The following MTCP1 variants were observed in gnomAD, a reference collection of about 807,000 sequenced individuals.
The protein encoded by MTCP1 is mature T cell proliferation 1.
Under a neutral mutation model 10.6 loss-of-function variants are expected in MTCP1, and 2 were observed. That is an observed-to-expected ratio of 0.19 (90% confidence interval 0.08 to 0.59). The LOEUF (loss-of-function observed/expected upper bound fraction) is 0.59. Ranked by LOEUF, MTCP1 falls within the 20% of genes least tolerant of loss-of-function variation. The probability of loss-of-function intolerance (pLI) is 0.90; values close to 1 mark genes in which losing one functional copy is unlikely to be tolerated. For synonymous variants in MTCP1, 29 were observed against 34.4 expected, an observed-to-expected ratio of 0.84 and a Z score of 0.55; for missense variants, 33 against 91.5, an observed-to-expected ratio of 0.36 and a Z score of 2.61.
intron 1 of MTCP1, among the ~76,000 whole-genome samples, chrX:155,070,213 C>CA (rs1300753086): frequency 1.8e-5 from 2 of 111,887 alleles, no homozygotes; most frequent in Non-Finnish European, 3.8e-5. Context: ...ATCAACACTT[C>CA]AAGTAGCACC....
chrX:155,069,815 C>A (rs1279409778), intron 1 of MTCP1, among the ~76,000 whole-genome samples: 1 of 112,075 alleles, frequency 8.9e-6, no homozygotes, highest in African/African-American at 3.2e-5. Context: ...TTGACTACCG[C>A]CGATAACAAA....
rs782029945 is a variant in MTCP1, at chrX:155,064,035, T to C, written c.*1369A>G. 8.5e-7 allele frequency: 1 copy of C among 1,178,443 alleles called. No individual in the cohort carries two copies. The highest frequency in any genetic ancestry group is 1.8e-5 in the African/African-American group (1 of 55,784). On this transcript the variant is annotated 3_prime_UTR_variant, in exon 5 of 5. Transcript: ENST00000369476. Reference sequence around the variant, plus strand: ...TCCTTCTGCGGCATATCCAGAAAACTAAAACAAGAAAAATGATTTTTATTT... The same window carrying C: ...TCCTTCTGCGGCATATCCAGAAAACCAAAACAAGAAAAATGATTTTTATTT...
rs1406093005 is a variant in MTCP1, at chrX:155,066,070, C to T, written c.-47-13G>A. 9 of 950,973 alleles carry T rather than the reference C, an allele frequency of 9.5e-6. No homozygotes were observed. The highest frequency in any genetic ancestry group is 4.1e-5 in the South Asian group (2 of 49,151). 78.4% of individuals were successfully genotyped at this position (950,973 alleles called of 1,213,427 possible). ...TCTCCACCTAAGCCTGCAGCACCCG[C>T]GCACAGGACACAGGTGTGACTTTTT... is the stretch of plus-strand genomic sequence containing the variant. On this transcript the variant is annotated splice_polypyrimidine_tract_variant and intron_variant, in intron 1 of 4. Coordinates refer to ENST00000369476, the MANE Select transcript of MTCP1 (RefSeq NM_001018025.4).
intron 1 of MTCP1, among the ~76,000 whole-genome samples, chrX:155,066,625 C>A (rs5945137): frequency 0.13 from 14,345 of 111,597 alleles, 893 homozygotes; most frequent in African/African-American, 0.23. Context: ...TTACAAATAG[C>A]GGATGGGCAT....
intron 1 of MTCP1, among the ~76,000 whole-genome samples, chrX:155,069,218 T>C (rs1402912210): frequency 8.9e-6 from 1 of 112,806 alleles, no homozygotes; most frequent in Admixed American, 9.3e-5. Context: ...AATTGCCAGG[T>C]TGATGAACAG....
chrX:155,067,209 A>G (rs1245631317), intron 1 of MTCP1, among the ~76,000 whole-genome samples: 1 of 110,973 alleles, frequency 9.0e-6, no homozygotes, highest in Non-Finnish European at 1.9e-5. Context: ...CACCCATTAT[A>G]CCCTGAGTGC....
At position 155,065,176 on chromosome X, in the gene MTCP1, CCTGA is replaced by C; in HGVS notation, c.*224_*227del. On this transcript the variant is annotated 3_prime_UTR_variant, in exon 5 of 5. Transcript: ENST00000369476. ...AAGGAGTCAATTTCAAGTTACGGAT[CCTGA>C]CTAAGTGCTTTTGTTGACTTGCTTT... 3.2e-6 allele frequency: 1 copy of C among 315,870 alleles called. No individual in the cohort carries two copies. The highest frequency in any genetic ancestry group is 5.5e-6 in the Non-Finnish European group (1 of 181,383). 26.0% of individuals were successfully genotyped at this position (315,870 alleles called of 1,213,427 possible).
intron 4 of MTCP1, 43 bp from the exon 5 acceptor site, chrX:155,065,442 C>T: frequency 8.7e-7 from 1 of 1,151,427 alleles, no homozygotes; most frequent in Non-Finnish European, 1.2e-6. Context: ...TGAATAGAGC[C>T]AAAACAAAGA....
intron 3 of MTCP1, 34 bp downstream of exon 3, chrX:155,065,585 A>G (rs1261095843): frequency 1.1e-5 from 13 of 1,206,897 alleles, no homozygotes; most frequent in South Asian, 1.8e-5. Flanking sequence ...CGAGAGTCCC[A>G]GTACAATGGA....
chrX:155,069,915 G>A (rs1557292303), intron 1 of MTCP1, among the ~76,000 whole-genome samples: 2 of 112,153 alleles, frequency 1.8e-5, no homozygotes, highest in Non-Finnish European at 3.8e-5. Context: ...AGCCGTTCCT[G>A]CTCCATGAGG....
rs1377775916 is a variant in MTCP1, at chrX:155,071,036, A to G, written c.-390T>C. 2 of 112,717 alleles carry G rather than the reference A, an allele frequency of 1.8e-5. No homozygotes were observed. Among genetic ancestry groups the G allele is most frequent in the African/African-American group, 3.2e-5 (1 of 31,077 alleles). 9.3% of individuals were successfully genotyped at this position (112,717 alleles called of 1,213,427 possible). A position where few individuals can be genotyped will look rare whatever the true frequency, so the allele number is the denominator to read the frequency against. ...TGTCGTCTTAAAGGGCTGTCCCCCA[A>G]GCGTGTAGGCCGCGCACGGGTCTCC... On this transcript the variant is annotated 5_prime_UTR_variant, in exon 1 of 5. Transcript: ENST00000369476.
At chrX:155,067,976 T>C (rs1557292144) in intron 1 of MTCP1, among the ~76,000 whole-genome samples, 2 of 112,447 alleles carry the variant, frequency 1.8e-5, no homozygotes, top group African/African-American at 6.5e-5. Context: ...GTTTTGCCTC[T>C]CTTCCTTCCC....
At position 155,065,674 on chromosome X, in the gene MTCP1, T is replaced by C; in HGVS notation, c.221A>G (p.Glu74Gly). Residue 74 changes from glutamate (E) to glycine (G), a missense_variant, in exon 3 of 5, where the codon GAG becomes GGG. Transcript: ENST00000369476. ...QLPLMWQLYPEERYMDNNSRL... is the reference protein window; with the variant it reads ...QLPLMWQLYPGERYMDNNSRL... ...AGAGTTGTTATCCATGTAGCGCTCC[T>C]CCGGGTAGAGTTGCCACATGAGAGG... 8.3e-7 allele frequency: 1 copy of C among 1,211,792 alleles called. No homozygotes were observed. The highest frequency in any genetic ancestry group is 1.1e-6 in the Non-Finnish European group (1 of 895,425).
At chrX:155,068,876 A>G (rs2073958726) in intron 1 of MTCP1, among the ~76,000 whole-genome samples, 1 of 112,602 alleles carries the variant, frequency 8.9e-6, no homozygotes. Flanking sequence ...ACAAGGTGCA[A>G]TACAATACAT....
At chrX:155,068,500 C>G (rs1237517782) in intron 1 of MTCP1, among the ~76,000 whole-genome samples, 1 of 112,069 alleles carries the variant, frequency 8.9e-6, no homozygotes, top group Non-Finnish European at 1.9e-5. Flanking sequence ...CTGCAGTGAT[C>G]AAGGGACAGA....
In MTCP1 at chrX:155,070,885, G is replaced by A. The variant is rs1267777905; in HGVS notation, c.-239C>T. On this transcript the variant is annotated 5_prime_UTR_variant, in exon 1 of 5. Coordinates refer to ENST00000369476, the MANE Select transcript of MTCP1 (RefSeq NM_001018025.4). ...GGCCGGCAACCGGAAGTGGTCCAGG[G>A]AGAGTTGTACGAGATTCGGGGGCTG... 1 of 112,705 alleles carries A rather than the reference G, an allele frequency of 8.9e-6. No homozygotes were observed. The highest frequency in any genetic ancestry group is 1.9e-5 in the Non-Finnish European group (1 of 53,243). The allele number at this position is 112,705 out of a possible 1,213,427, so 9.3% of individuals were successfully genotyped here.
chrX:155,070,220 C>T (rs2073967095), intron 1 of MTCP1, among the ~76,000 whole-genome samples: 1 of 111,840 alleles, frequency 8.9e-6, no homozygotes, highest in South Asian at 3.7e-4. Context: ...CTTCAAGTAG[C>T]ACCTTGGGAA....
intron 1 of MTCP1, among the ~76,000 whole-genome samples, chrX:155,066,568 GTTTGT>G (rs1454258536): frequency 2.7e-5 from 3 of 112,178 alleles, no homozygotes; most frequent in Non-Finnish European, 5.6e-5. Flanking sequence ...GAAATTAAAA[GTTTGT>G]TTTAAGGGCA....
rs1426867302 is a variant in MTCP1 at position 155,064,280 on chromosome X, T to C, written c.*1124A>G. ...AACCTTGAATTCAATCAACTCTTTT[T>C]GAATACTGTAAACCAACGTTAGGCT... On this transcript the variant is annotated 3_prime_UTR_variant, in exon 5 of 5. Transcript: ENST00000369476. 1 of 237,405 alleles carries C rather than the reference T, an allele frequency of 4.2e-6. No homozygotes were observed. Among genetic ancestry groups the C allele is most frequent in the Non-Finnish European group, 7.6e-6 (1 of 132,310 alleles). 19.6% of individuals were successfully genotyped at this position (237,405 alleles called of 1,213,427 possible). A position where few individuals can be genotyped will look rare whatever the true frequency, so the allele number is the denominator to read the frequency against.
Sources: gnomAD v4.1 joint callset for allele counts (sites outside exome capture counted in the v4.1 genomes callset) on GRCh38, gnomAD v4.1.1 for gene constraint, MANE v1.5 for transcripts, NCBI Gene and HGNC (gene_info 2026-07-23, HGNC 2026-07-21) for gene names.